SUGCT: variants seen among roughly 807,000 people sequenced by gnomAD.
The protein encoded by SUGCT is succinyl-CoA:glutarate-CoA transferase.
Under a neutral mutation model 55.0 loss-of-function variants are expected in SUGCT, and 41 were observed. The ratio of observed to expected loss-of-function variants is 0.74; its 90% CI spans 0.58 to 0.97. The LOEUF (loss-of-function observed/expected upper bound fraction) is 0.97, where lower values mean the gene tolerates loss of function less well. SUGCT is among the 50% of genes least tolerant of loss of function. The pLI, the probability that SUGCT is intolerant of heterozygous loss-of-function variation, is 0.00. For synonymous variants in SUGCT, 187 were observed against 200.4 expected (o/e 0.93, Z 0.56); for missense variants, 568 against 547.8 (o/e 1.04, Z -0.37).
At chr7:40,360,020 G>T (rs960085790) in intron 9 of SUGCT, among the ~76,000 whole-genome samples, 7 of 151,962 alleles carry the variant, frequency 4.6e-5, no homozygotes, top group Admixed American at 4.6e-4. Context: ...GTGTGTGCAA[G>T]ATTTTATTTT....
intron 13 of SUGCT, among the ~76,000 whole-genome samples, chr7:40,837,516 A>G (rs1288399144): frequency 6.6e-6 from 1 of 151,962 alleles, no homozygotes. Flanking sequence ...TTAGATAAAG[A>G]TTTTTCTCCT....
At chr7:41,006,147 G>T in the SUGCT span, among the ~76,000 whole-genome samples, 1 of 152,208 alleles carries the variant, frequency 6.6e-6, no homozygotes, top group South Asian at 2.1e-4. Context: ...GTAACAATGG[G>T]CTGAAAATGA....
intron 13 of SUGCT, among the ~76,000 whole-genome samples, chr7:40,760,658 A>G (rs567657152): frequency 1.3e-5 from 2 of 152,156 alleles, no homozygotes; most frequent in African/African-American, 4.8e-5. Context: ...ATTAACTTCT[A>G]TGATGTTTTC....
chr7:40,717,435 C>G (rs982742343), intron 12 of SUGCT, among the ~76,000 whole-genome samples: 1 of 152,208 alleles, frequency 6.6e-6, no homozygotes, highest in Non-Finnish European at 1.5e-5. Flanking sequence ...AAGGCGTGAA[C>G]TCCCCGTGGC....
chr7:40,494,006 C>T (rs1420440854), intron 11 of SUGCT, among the ~76,000 whole-genome samples: 3 of 152,148 alleles, frequency 2.0e-5, no homozygotes, highest in Non-Finnish European at 2.9e-5. Context: ...CTGCAGCTCC[C>T]GCAGTCTCAT....
At chr7:40,969,931 C>T in the SUGCT span, among the ~76,000 whole-genome samples, 2 of 152,132 alleles carry the variant, frequency 1.3e-5, no homozygotes, top group Non-Finnish European at 2.9e-5. Context: ...TGGCTTTTGT[C>T]CCAGTGATGC....
intron 12 of SUGCT, among the ~76,000 whole-genome samples, chr7:40,658,212 G>A (rs1801122718): frequency 6.6e-6 from 1 of 152,100 alleles, no homozygotes; most frequent in African/African-American, 2.4e-5. Context: ...ATATTTACAA[G>A]TCAGCATGAA....
intron 10 of SUGCT, 81 bp downstream of exon 10, chr7:40,449,439 T>G (rs1488488977): frequency 4.2e-6 from 4 of 961,820 alleles, no homozygotes; most frequent in Non-Finnish European, 6.6e-6. Flanking sequence ...CACAACCAAC[T>G]TAGGCCCCCT....
intron 8 of SUGCT, among the ~76,000 whole-genome samples, chr7:40,311,287 A>C (rs1795134272): frequency 6.6e-6 from 1 of 152,178 alleles, no homozygotes; most frequent in Admixed American, 6.5e-5. Context: ...ATCTATCATC[A>C]AATTATGCCT....
At chr7:40,837,786 G>T (rs1037988722) in intron 13 of SUGCT, among the ~76,000 whole-genome samples, 1 of 152,020 alleles carries the variant, frequency 6.6e-6, no homozygotes, top group East Asian at 1.9e-4. Context: ...GCTAATTTTT[G>T]TATTTTTAGT....
intron 13 of SUGCT, among the ~76,000 whole-genome samples, chr7:40,754,910 A>G (rs1348171605): frequency 6.6e-6 from 1 of 152,208 alleles, no homozygotes; most frequent in Non-Finnish European, 1.5e-5. Context: ...TAGCTTTTTA[A>G]TAGATGTAAT....
rs575406203 is a variant in SUGCT, at chr7:40,463,387, C to T, written c.986+4189C>T. On this transcript the variant is annotated intron_variant, in intron 11 of 13. Transcript: ENST00000335693. The stretch of plus-strand genomic sequence containing the variant: ...CAAAGTTGGCTCTTGTAAATATACA[C>T]GTGAATTTCCTATTGTGTTTCAAAA... Among the ~76,000 whole-genome samples, 8 of 152,264 alleles carry T rather than the reference C, an allele frequency of 5.3e-5. No individual in the cohort carries two copies. In the East Asian group the frequency reaches 1.5e-3, roughly 29 times the overall value.
chr7:40,890,897 A>G, the SUGCT span, among the ~76,000 whole-genome samples: 1 of 152,226 alleles, frequency 6.6e-6, no homozygotes, highest in African/African-American at 2.4e-5. Context: ...ACAAATGAAT[A>G]CTGATGGAAA....
intron 9 of SUGCT, among the ~76,000 whole-genome samples, chr7:40,368,299 G>A (rs1784115888): frequency 6.6e-6 from 1 of 152,184 alleles, no homozygotes; most frequent in Non-Finnish European, 1.5e-5. Context: ...CCAGGTTCAC[G>A]TGATTCTCCT....
chr7:40,806,658 T>C (rs1278153557), intron 13 of SUGCT, among the ~76,000 whole-genome samples: 1 of 152,272 alleles, frequency 6.6e-6, no homozygotes, highest in African/African-American at 2.4e-5. Context: ...TTCCACATAT[T>C]TGTATTCAGA....
At chr7:40,832,172 A>G (rs1321217331) in intron 13 of SUGCT, among the ~76,000 whole-genome samples, 3 of 152,140 alleles carry the variant, frequency 2.0e-5, no homozygotes, top group African/African-American at 4.8e-5. Flanking sequence ...ATAGGTGGTG[A>G]CACAGAGTCC....
the SUGCT span, among the ~76,000 whole-genome samples, chr7:40,898,212 A>G: frequency 2.0e-5 from 3 of 152,272 alleles, no homozygotes; most frequent in South Asian, 2.1e-4. Flanking sequence ...TTTATGAACT[A>G]TAACACTCAC....
intron 12 of SUGCT, among the ~76,000 whole-genome samples, chr7:40,744,024 C>T (rs1341379173): frequency 2.6e-5 from 4 of 152,028 alleles, no homozygotes; most frequent in South Asian, 2.1e-4. Flanking sequence ...TGGGTTCAAG[C>T]GATTCTCCTG....
At chr7:40,802,310 A>G (rs1790865559) in intron 13 of SUGCT, among the ~76,000 whole-genome samples, 1 of 151,358 alleles carries the variant, frequency 6.6e-6, no homozygotes, top group Non-Finnish European at 1.5e-5. Context: ...CAGCACTCAG[A>G]CACACACACA....
Sources: gnomAD v4.1 joint callset for allele counts (sites outside exome capture counted in the v4.1 genomes callset) on GRCh38, gnomAD v4.1.1 for gene constraint, MANE v1.5 for transcripts, NCBI Gene and HGNC (gene_info 2026-07-23, HGNC 2026-07-21) for gene names.